The following CSMD1 variants were observed in gnomAD, a reference collection of about 807,000 sequenced individuals.
CSMD1 encodes CUB and Sushi multiple domains 1.
CSMD1 carries 213 observed loss-of-function variants against 417.5 expected under a neutral mutation model. The ratio of observed to expected loss-of-function variants is 0.51; its 90% CI spans 0.46 to 0.57. The LOEUF is 0.57. Ranked by LOEUF, CSMD1 falls within the 20% of genes least tolerant of loss-of-function variation. The pLI, the probability that CSMD1 is intolerant of heterozygous loss-of-function variation, is 0.00. For synonymous variants in CSMD1, 2,862 were observed against 1,736.8 expected, an observed-to-expected ratio of 1.65 and a Z score of -16.11; for missense variants, 6,923 against 4,529.7, an observed-to-expected ratio of 1.53 and a Z score of -15.17.
At chr8:4,173,411 G>C (rs1357520287) in intron 3 of CSMD1, among the ~76,000 whole-genome samples, 3 of 152,094 alleles carry the variant, frequency 2.0e-5, no homozygotes, top group African/African-American at 4.8e-5. Context: ...ATTTAACGTG[G>C]TGACTACAGA....
At chr8:3,078,936 T>TCACGCCAA (rs548516092) in intron 49 of CSMD1, among the ~76,000 whole-genome samples, 2 of 152,008 alleles carry the variant, frequency 1.3e-5, no homozygotes, top group African/African-American at 4.8e-5. Context: ...GATAAAGGTT[T>TCACGCCAA]CATGCCAACA....
chr8:3,691,771 C>A (rs2624072), intron 7 of CSMD1, among the ~76,000 whole-genome samples: 145,545 of 152,174 alleles, frequency 0.96, 69,680 homozygotes, highest in East Asian at 1. Flanking sequence ...CCATTTTTTA[C>A]ACATTTATTT....
chr8:3,919,762 G>C (rs1259772243), intron 5 of CSMD1, among the ~76,000 whole-genome samples: 4 of 151,918 alleles, frequency 2.6e-5, no homozygotes, highest in African/African-American at 9.7e-5. Context: ...TTCCAATCCA[G>C]GAACACAAGC....
intron 8 of CSMD1, among the ~76,000 whole-genome samples, chr8:3,612,790 A>T (rs989070908): frequency 6.6e-6 from 1 of 152,106 alleles, no homozygotes. Flanking sequence ...ACTTAGAGGA[A>T]AATTGATAGC....
intron 1 of CSMD1, among the ~76,000 whole-genome samples, chr8:4,980,930 G>A (rs146146415): frequency 2.0e-4 from 30 of 151,784 alleles, no homozygotes; most frequent in Middle Eastern, 3.4e-3. Context: ...TTATCTATCT[G>A]TACTTTGCCC....
chr8:3,187,343 T>G (rs1796121953), intron 36 of CSMD1, among the ~76,000 whole-genome samples: 1 of 152,096 alleles, frequency 6.6e-6, no homozygotes, highest in African/African-American at 2.4e-5. Flanking sequence ...GCAGGGCATT[T>G]GGAGAGCAGA....
At chr8:3,387,171 T>C (rs1811053806) in intron 18 of CSMD1, among the ~76,000 whole-genome samples, 1 of 152,204 alleles carries the variant, frequency 6.6e-6, no homozygotes, top group Admixed American at 6.5e-5. Flanking sequence ...TCTGACATCC[T>C]AGGATATGTG....
intron 53 of CSMD1, among the ~76,000 whole-genome samples, chr8:2,998,751 A>G (rs1353724487): frequency 6.6e-6 from 1 of 152,206 alleles, no homozygotes; most frequent in Non-Finnish European, 1.5e-5. Flanking sequence ...GTGAACTGTC[A>G]ATATGTCATG....
chr8:4,255,947 A>T (rs909797394), intron 3 of CSMD1, among the ~76,000 whole-genome samples: 2 of 152,150 alleles, frequency 1.3e-5, no homozygotes, highest in Non-Finnish European at 2.9e-5. Context: ...CCACAGCCTA[A>T]CGTGGTGTCC....
rs567762235 is a variant in CSMD1, at chr8:4,809,144, G to A, written c.86-171586C>T. Reference sequence around the variant, plus strand: ...AAAGGAGCCATAGCTATTAATTCAGGGACAACTGTTACATACATTCATGAT... The same window carrying A: ...AAAGGAGCCATAGCTATTAATTCAGAGACAACTGTTACATACATTCATGAT... On this transcript the variant is annotated intron_variant, in intron 1 of 69. Coordinates refer to ENST00000635120, the MANE Select transcript of CSMD1 (RefSeq NM_033225.6). Among the ~76,000 whole-genome samples, 3 of 152,154 alleles carry A rather than the reference G, an allele frequency of 2.0e-5. No homozygotes were observed. In the South Asian group the frequency reaches 6.2e-4, roughly 32 times the overall value.
chr8:4,631,090 C>T lies in CSMD1; in HGVS notation c.302+6252G>A, dbSNP rs1163658106. ...CTAAAAATAAAATGAAGGCCAGGTG[C>T]GGTGGCTCACACCTGTAATCCCAGC... On this transcript the variant is annotated intron_variant, in intron 2 of 69. Coordinates refer to ENST00000635120, the MANE Select transcript of CSMD1 (RefSeq NM_033225.6). Among the ~76,000 whole-genome samples, 4 of 152,108 alleles carry T rather than the reference C, an allele frequency of 2.6e-5. No individual in the cohort carries two copies. The South Asian group carries it at 6.2e-4, about 24-fold the overall frequency.
At chr8:4,130,289 A>G (rs900193567) in intron 3 of CSMD1, among the ~76,000 whole-genome samples, 1 of 152,186 alleles carries the variant, frequency 6.6e-6, no homozygotes, top group Non-Finnish European at 1.5e-5. Context: ...TTAGTTTAAC[A>G]TCTTTATTCT....
At chr8:4,622,352 T>A (rs1429527463) in intron 2 of CSMD1, among the ~76,000 whole-genome samples, 3 of 151,866 alleles carry the variant, frequency 2.0e-5, no homozygotes, top group African/African-American at 7.3e-5. Context: ...GGCTCAACAC[T>A]CCACACAGTC....
chr8:4,864,458 T>C (rs1339034599), intron 1 of CSMD1, among the ~76,000 whole-genome samples: 14 of 151,950 alleles, frequency 9.2e-5, no homozygotes, highest in Admixed American at 8.5e-4. Flanking sequence ...TCTACTTCAA[T>C]AGACAAAAAT....
intron 3 of CSMD1, among the ~76,000 whole-genome samples, chr8:4,126,419 C>A (rs1311605412): frequency 6.6e-6 from 1 of 152,152 alleles, no homozygotes; most frequent in Non-Finnish European, 1.5e-5. Flanking sequence ...CACAGGACAG[C>A]ACCCTAGCGA....
intron 2 of CSMD1, among the ~76,000 whole-genome samples, chr8:4,499,082 C>T (rs1010157107): frequency 1.3e-5 from 2 of 152,048 alleles, no homozygotes; most frequent in Non-Finnish European, 1.5e-5. Flanking sequence ...TGCTAAAGGA[C>T]ACAGAAATGA....
At chr8:4,539,206 G>C (rs1276009956) in intron 2 of CSMD1, among the ~76,000 whole-genome samples, 2 of 152,112 alleles carry the variant, frequency 1.3e-5, no homozygotes, top group Non-Finnish European at 1.5e-5. Flanking sequence ...TGTATTTGAG[G>C]TTTGCCACTG....
intron 1 of CSMD1, among the ~76,000 whole-genome samples, chr8:4,719,301 C>T (rs534580074): frequency 6.6e-6 from 1 of 152,190 alleles, no homozygotes; most frequent in Non-Finnish European, 1.5e-5. Flanking sequence ...TAAATGAAGC[C>T]TAATAAGAAA....
intron 3 of CSMD1, among the ~76,000 whole-genome samples, chr8:4,269,840 C>T (rs531142046): frequency 3.9e-5 from 6 of 152,264 alleles, no homozygotes; most frequent in African/African-American, 1.2e-4. Flanking sequence ...CCAATCTATC[C>T]TTCCCCTACA....
Sources: allele counts gnomAD v4.1 joint callset (sites outside exome capture counted in the v4.1 genomes callset), GRCh38; gene constraint gnomAD v4.1.1; transcripts MANE v1.5; gene names NCBI Gene and HGNC (gene_info 2026-07-23, HGNC 2026-07-21).